The following IL1RAPL1 variants were observed in gnomAD, a reference collection of about 807,000 sequenced individuals.
IL1RAPL1 encodes the protein interleukin 1 receptor accessory protein like 1, also known as interleukin-1 receptor accessory protein-like 1.
A neutral mutation model predicts 48.4 loss-of-function variants in IL1RAPL1; 3 were observed. The observed-to-expected ratio is 0.06, with a 90% CI of 0.03 to 0.16. IL1RAPL1 has a LOEUF of 0.16. Ranked by LOEUF, IL1RAPL1 falls within the 10% of genes least tolerant of loss-of-function variation. IL1RAPL1 has a pLI of 1.00. For synonymous variants in IL1RAPL1, 185 were observed against 187.7 expected, an observed-to-expected ratio of 0.99 and a Z score of 0.12; for missense variants, 349 against 530.6, an observed-to-expected ratio of 0.66 and a Z score of 3.36.
At chrX:28,918,589 A>G (rs1280692915) in intron 2 of IL1RAPL1, among the ~76,000 whole-genome samples, 1 of 112,367 alleles carries the variant, frequency 8.9e-6, no homozygotes, top group African/African-American at 3.2e-5. Context: ...TGCAGTTCAG[A>G]TAGGCTCTGG....
chrX:28,821,161 G>T (rs1936933927), intron 2 of IL1RAPL1, among the ~76,000 whole-genome samples: 1 of 111,733 alleles, frequency 8.9e-6, no homozygotes, highest in African/African-American at 3.2e-5. Flanking sequence ...AACTTGATTT[G>T]AAATTATCTA....
intron 1 of IL1RAPL1, among the ~76,000 whole-genome samples, chrX:28,745,047 T>G (rs1456546985): frequency 8.9e-6 from 1 of 111,806 alleles, no homozygotes; most frequent in East Asian, 2.8e-4. Flanking sequence ...GCACTGATAC[T>G]TGTGGTTCCC....
At chrX:29,698,419 C>T (rs1413751813) in intron 6 of IL1RAPL1, among the ~76,000 whole-genome samples, 1 of 111,478 alleles carries the variant, frequency 9.0e-6, no homozygotes, top group Non-Finnish European at 1.9e-5. Context: ...TGGTTATTCG[C>T]TGTCTTAGCA....
rs777184173 is a variant in IL1RAPL1, at chrX:29,801,450, G to A, written c.779-116014G>A. The stretch of plus-strand genomic sequence containing the variant: ...TACACATAACCTTAAAATCGTTGCT[G>A]CTTTTGGAGGTCATTTTATCAGGAT... On this transcript the variant is annotated intron_variant, in intron 6 of 10. Transcript: ENST00000378993. 5.4e-5 allele frequency among the ~76,000 whole-genome samples: 6 copies of A among 110,963 alleles called. No homozygotes were observed. The South Asian group carries it at 2.3e-3, about 43-fold the overall frequency.
intron 2 of IL1RAPL1, among the ~76,000 whole-genome samples, chrX:29,126,068 C>A (rs1443133969): frequency 1.8e-5 from 2 of 109,828 alleles, no homozygotes; most frequent in East Asian, 5.7e-4. Context: ...TAATAGAGTG[C>A]CTGACATATA....
intron 3 of IL1RAPL1, among the ~76,000 whole-genome samples, chrX:29,395,298 T>C (rs1029018440): frequency 5.4e-5 from 6 of 111,903 alleles, no homozygotes; most frequent in Non-Finnish European, 1.1e-4. Context: ...ATTTACCAAA[T>C]GGGAAGTTCT....
intron 1 of IL1RAPL1, among the ~76,000 whole-genome samples, chrX:28,636,080 C>T (rs1358870162): frequency 2.7e-5 from 3 of 111,435 alleles, no homozygotes; most frequent in Non-Finnish European, 5.6e-5. Context: ...ATCAGCATAG[C>T]CATTCTTACC....
chrX:29,045,652 A>G (rs1393008317), intron 2 of IL1RAPL1, among the ~76,000 whole-genome samples: 3 of 111,043 alleles, frequency 2.7e-5, no homozygotes, highest in Non-Finnish European at 5.7e-5. Context: ...TATTTTTTGT[A>G]AAGACTGGGT....
chrX:29,035,391 G>T lies in IL1RAPL1; in HGVS notation c.82+245966G>T, dbSNP rs746065431. Reference sequence around the variant, plus strand: ...AGATCCAAATGTAACATATTAAAAAGATTTCATTTCAAATAAGGGCAAAAA... The same window carrying T: ...AGATCCAAATGTAACATATTAAAAATATTTCATTTCAAATAAGGGCAAAAA... On this transcript the variant is annotated intron_variant, in intron 2 of 10. Coordinates refer to ENST00000378993, the MANE Select transcript of IL1RAPL1 (RefSeq NM_014271.4). Among the ~76,000 whole-genome samples, 4 of 112,044 alleles carry T rather than the reference G, an allele frequency of 3.6e-5. No individual in the cohort carries two copies. In the South Asian group the frequency reaches 1.5e-3, roughly 41 times the overall value.
intron 2 of IL1RAPL1, among the ~76,000 whole-genome samples, chrX:29,203,054 G>A (rs962790215): frequency 9.0e-6 from 1 of 111,590 alleles, no homozygotes; most frequent in Non-Finnish European, 1.9e-5. Context: ...CTACAACAGG[G>A]GAGAAAGATT....
intron 6 of IL1RAPL1, among the ~76,000 whole-genome samples, chrX:29,877,065 A>G (rs1379073897): frequency 5.4e-5 from 6 of 111,223 alleles, no homozygotes; most frequent in Non-Finnish European, 1.1e-4. Flanking sequence ...ATAATTTTTC[A>G]TTTTTCATAG....
intron 2 of IL1RAPL1, among the ~76,000 whole-genome samples, chrX:29,029,934 C>T (rs1033799253): frequency 4.7e-5 from 5 of 107,006 alleles, no homozygotes; most frequent in East Asian, 2.9e-4. Flanking sequence ...AAGTCTTTAT[C>T]GAGATTCTTT....
chrX:28,839,920 A>G (rs1456495667), intron 2 of IL1RAPL1, among the ~76,000 whole-genome samples: 4 of 110,669 alleles, frequency 3.6e-5, no homozygotes, highest in African/African-American at 1.3e-4. Context: ...GTAAAGTGGC[A>G]TTTTAGAATA....
At chrX:28,704,839 A>AC (rs1185719519) in intron 1 of IL1RAPL1, among the ~76,000 whole-genome samples, 2 of 105,072 alleles carry the variant, frequency 1.9e-5, no homozygotes, top group Non-Finnish European at 3.9e-5. Flanking sequence ...CACAAAAAAA[A>AC]AAAAAAAAAA....
At chrX:29,954,481 T>C (rs767413095) in intron 9 of IL1RAPL1, 41 bp from the exon 10 acceptor site, 4 of 1,086,714 alleles carry the variant, frequency 3.7e-6, no homozygotes, top group Non-Finnish European at 1.3e-6. Context: ...GTTATCTTTG[T>C]AGAGTAGTGA....
chrX:29,559,948 G>A (rs771833013), intron 5 of IL1RAPL1, among the ~76,000 whole-genome samples: 1 of 111,523 alleles, frequency 9.0e-6, no homozygotes, highest in Non-Finnish European at 1.9e-5. Flanking sequence ...CACTATTACA[G>A]TATTATTCTG....
chrX:29,705,417 G>A (rs1203166446), intron 6 of IL1RAPL1, among the ~76,000 whole-genome samples: 1 of 111,667 alleles, frequency 9.0e-6, no homozygotes, highest in Non-Finnish European at 1.9e-5. Flanking sequence ...GCTTCACCAT[G>A]TTGGCCAGGC....
chrX:29,759,973 G>GA (rs1295087344), intron 6 of IL1RAPL1, among the ~76,000 whole-genome samples: 1 of 111,568 alleles, frequency 9.0e-6, no homozygotes, highest in African/African-American at 3.3e-5. Flanking sequence ...CTTAAATCTT[G>GA]AAAATGGGGC....
At chrX:29,954,235 C>CCA (rs1933371456) in intron 9 of IL1RAPL1, among the ~76,000 whole-genome samples, 1 of 30,420 alleles carries the variant, frequency 3.3e-5, no homozygotes, top group African/African-American at 1.5e-4. Context: ...GACTGTGTCC[C>CCA]AAAAAAAAAA....
Sources: allele counts gnomAD v4.1 joint callset (sites outside exome capture counted in the v4.1 genomes callset), GRCh38; gene constraint gnomAD v4.1.1; transcripts MANE v1.5; gene names NCBI Gene and HGNC (gene_info 2026-07-23, HGNC 2026-07-21).